Variants in OGA observed in about 807,000 individuals in gnomAD.
OGA encodes O-GlcNAcase.
Under a neutral mutation model 102.0 loss-of-function variants are expected in OGA, and 21 were observed. The observed-to-expected ratio is 0.21, with a 90% CI of 0.15 to 0.30. OGA has a LOEUF of 0.30. OGA is among the 10% of genes least tolerant of loss of function. OGA has a pLI of 1.00. For missense variants in OGA, 765 were observed against 1,107.8 expected, an observed-to-expected ratio of 0.69 and a Z score of 4.39; for synonymous variants, 408 against 378.2, an observed-to-expected ratio of 1.08 and a Z score of -0.91.
Position 101,801,472 on chromosome 10 carries a change from T to C in OGA, c.1037-1072A>G, listed in dbSNP as rs570063011. ...AAGGCAACAAAGCTCTGAGCCAGGA[T>C]AGTGGTAGAGAAAATTAAGTCTGAA... is the stretch of plus-strand genomic sequence containing the variant. On this transcript the variant is annotated intron_variant, in intron 7 of 15. Coordinates refer to ENST00000361464, the MANE Select transcript of OGA (RefSeq NM_012215.5). Among the ~76,000 whole-genome samples the C allele has an allele frequency of 6.6e-5, 10 of 151,688 alleles. No homozygotes were observed. The South Asian group carries it at 1.9e-3, about 28-fold the overall frequency.
Position 101,799,082 on chromosome 10 carries a change from G to A in OGA, c.1569C>T (p.Asp523=). Residue 523 remains aspartate, a synonymous_variant, in exon 9 of 16, where the codon GAC becomes GAT. Coordinates refer to ENST00000361464, the MANE Select transcript of OGA (RefSeq NM_012215.5). ...EMSMQEDCIS[D]IAPMQTDEQT... is the part of the protein sequence containing the mutation. ...GTTCATCAGTTTGCATGGGGGCAAT[G>A]TCACTAATACAATCTTCTTGCATGG... 3 of 1,614,224 alleles carry A rather than the reference G, an allele frequency of 1.9e-6. No individual in the cohort carries two copies. Among genetic ancestry groups the A allele is most frequent in the Non-Finnish European group, 2.5e-6 (3 of 1,180,040 alleles).
At position 101,792,926 on chromosome 10, in the gene OGA, A is replaced by C; in HGVS notation, c.2088T>G (p.Asp696Glu). Residue 696 changes from aspartate (D) to glutamate (E), a missense_variant, in exon 12 of 16, where the codon GAT (aspartate) becomes GAG (glutamate). By Grantham distance (45) the Asp-to-Glu change is conservative. Transcript: ENST00000361464. The part of the protein sequence containing the change: ...AGEFQRLLPI[D>E]GANDLFFQPP... ...GCTGAAAAAAGAGATCATTTGCCCCATCAATTGGCAGCAAACGCTGTGGGA... is the reference window on the plus strand; with the variant it reads ...GCTGAAAAAAGAGATCATTTGCCCCCTCAATTGGCAGCAAACGCTGTGGGA... 1 of 1,613,754 alleles carries C rather than the reference A, an allele frequency of 6.2e-7. No individual in the cohort carries two copies. Among genetic ancestry groups the C allele is most frequent in the Non-Finnish European group, 8.5e-7 (1 of 1,179,650 alleles).
Position 101,810,239 on chromosome 10 carries a change from T to C in OGA, c.425A>G (p.Asp142Gly). 6.2e-7 allele frequency: 1 copy of C among 1,612,324 alleles called. No individual in the cohort carries two copies. Among genetic ancestry groups the C allele is most frequent in the Non-Finnish European group, 8.5e-7 (1 of 1,178,458 alleles). Residue 142 changes from aspartate to glycine, a missense_variant, in exon 4 of 16, where the codon GAT becomes GGT. This residue lies in a region of OGA where 165 missense variants were observed against 249.7 expected (regional missense o/e 0.66). Transcript: ENST00000361464. Reference protein sequence around the residue: ...EFIYAISPGLDITFSNPKEVS... With the variant: ...EFIYAISPGLGITFSNPKEVS... The stretch of plus-strand genomic sequence containing the variant: ...TTCCTTGGGGTTAGAAAAAGTGATA[T>C]CCAATCCAGGTGAGATCGCATAGAT...
At chr10:101,815,731 CTTAA>C (rs1174285768) in intron 1 of OGA, among the ~76,000 whole-genome samples, 1 of 151,760 alleles carries the variant, frequency 6.6e-6, no homozygotes, top group Non-Finnish European at 1.5e-5. Flanking sequence ...AAATGTCTAG[CTTAA>C]TTAAACATTT....
intron 5 of OGA, among the ~76,000 whole-genome samples, chr10:101,806,902 C>T (rs915061171): frequency 1.7e-4 from 26 of 152,168 alleles, no homozygotes; most frequent in African/African-American, 4.1e-4. Context: ...GGCGAAACCC[C>T]GTCTCTACCA....
intron 6 of OGA, 51 bp from the exon 7 acceptor site, chr10:101,804,070 C>T (rs1329525307): frequency 9.9e-6 from 15 of 1,512,220 alleles, no homozygotes; most frequent in East Asian, 2.3e-5. Flanking sequence ...CTTGGCTAGA[C>T]GCATTGGCTC....
chr10:101,800,771 C>CTTTTTTTTTT (rs771355527), intron 7 of OGA, among the ~76,000 whole-genome samples: 1 of 117,656 alleles, frequency 8.5e-6, no homozygotes, highest in Non-Finnish European at 1.8e-5. Context: ...CTTGTAACTT[C>CTTTTTTTTTT]TTTTTTTTTT....
intron 7 of OGA, among the ~76,000 whole-genome samples, chr10:101,801,362 A>T (rs2065389243): frequency 6.6e-6 from 1 of 151,404 alleles, no homozygotes; most frequent in African/African-American, 2.4e-5. Flanking sequence ...ATTGCACTCC[A>T]GCCTGAGCAA....
chr10:101,811,302 T>C (rs1194514553), intron 3 of OGA, among the ~76,000 whole-genome samples: 1 of 148,680 alleles, frequency 6.7e-6, no homozygotes, highest in Non-Finnish European at 1.5e-5. Context: ...GGCAGGAGAA[T>C]TGCTTGAACC....
At chr10:101,793,205 A>C (rs2065278518) in intron 11 of OGA, among the ~76,000 whole-genome samples, 1 of 152,166 alleles carries the variant, frequency 6.6e-6, no homozygotes, top group Non-Finnish European at 1.5e-5. Context: ...CAAAAACAAA[A>C]ACAAAAACAA....
intron 7 of OGA, among the ~76,000 whole-genome samples, chr10:101,801,795 A>G (rs1405276938): frequency 6.6e-6 from 1 of 152,218 alleles, no homozygotes; most frequent in African/African-American, 2.4e-5. Context: ...TAATATTACT[A>G]CATACTATCA....
chr10:101,793,469 T>C (rs2135038069), intron 11 of OGA, among the ~76,000 whole-genome samples: 1 of 152,306 alleles, frequency 6.6e-6, no homozygotes, highest in South Asian at 2.1e-4. Context: ...AAACTTCCTA[T>C]TTTGTTCATA....
chr10:101,810,253 G>C lies in OGA; in HGVS notation c.411C>G (p.Ile137Met). 1 of 1,611,592 alleles carries C rather than the reference G, an allele frequency of 6.2e-7. No homozygotes were observed. The highest frequency in any genetic ancestry group is 8.5e-7 in the Non-Finnish European group (1 of 1,177,776). Residue 137 changes from isoleucine to methionine, a missense_variant, in exon 4 of 16, where the codon ATC becomes ATG. Transcript: ENST00000361464. ...REYEIEFIYA[I>M]SPGLDITFSN... ...AAAAAGTGATATCCAATCCAGGTGA[G>C]ATCGCATAGATGAACTCTATCTCAT...
intron 1 of OGA, 140 bp downstream of exon 1, chr10:101,817,684 T>C: frequency 2.1e-6 from 2 of 957,480 alleles, no homozygotes; most frequent in Non-Finnish European, 3.0e-6. Context: ...ACATCTCGTC[T>C]CTCCCCTCGC....
chr10:101,790,839 A>T, intron 14 of OGA, 57 bp downstream of exon 14: 3 of 1,265,886 alleles, frequency 2.4e-6, no homozygotes, highest in South Asian at 3.3e-5. Flanking sequence ...ATAAAAAATA[A>T]AAATAAATAA....
chr10:101,803,964 C>G lies in OGA; in HGVS notation c.807G>C (p.Lys269Asn). ...AGATTACTGGAGCTCTCTTAATAAT[C>G]TTAGAAACCTCTTCGATGGACTCTA... ...IPVESIEEVS[K>N]IIKRAPVIWD... The change falls in exon 7 of 16, where the codon AAG (lysine) becomes AAC (asparagine). Residue 269 changes from lysine to asparagine, a missense_variant. Around this residue, in one of 7 missense-constraint regions of OGA, gnomAD observed 165 missense variants for 249.7 expected, o/e 0.66. Coordinates refer to ENST00000361464, the MANE Select transcript of OGA (RefSeq NM_012215.5). 6.2e-7 allele frequency: 1 copy of G among 1,613,990 alleles called. No individual in the cohort carries two copies. Among genetic ancestry groups the G allele is most frequent in the Non-Finnish European group, 8.5e-7 (1 of 1,179,896 alleles).
At chr10:101,792,635 G>A (rs1319337644) in intron 12 of OGA, 1 of 468,968 alleles carries the variant, frequency 2.1e-6, no homozygotes, top group Non-Finnish European at 3.8e-6. Context: ...TTTCTCAAGG[G>A]AGAAATTAAA....
intron 4 of OGA, among the ~76,000 whole-genome samples, 167 bp from the exon 5 acceptor site, chr10:101,808,068 T>C (rs778865945): frequency 5.3e-5 from 8 of 152,236 alleles, no homozygotes; most frequent in Non-Finnish European, 1.2e-4. Flanking sequence ...TAAACAGTTT[T>C]GGGACCCATT....
chr10:101,792,568 A>G (rs900466138), intron 12 of OGA: 22 of 330,350 alleles, frequency 6.7e-5, no homozygotes, highest in Non-Finnish European at 9.4e-5. Flanking sequence ...AGGACAACAC[A>G]TCATTTAGAC....
Sources: allele counts gnomAD v4.1 joint callset (sites outside exome capture counted in the v4.1 genomes callset), GRCh38; gene constraint gnomAD v4.1.1; regional missense constraint gnomAD v4.1.1; transcripts MANE v1.5; gene names NCBI Gene and HGNC (gene_info 2026-07-23, HGNC 2026-07-21).